The following CUL4A variants were observed in gnomAD, a reference collection of about 807,000 sequenced individuals.
CUL4A encodes the protein cullin-4A.
A neutral mutation model predicts 95.5 loss-of-function variants in CUL4A; 16 were observed. The observed-to-expected ratio is 0.17, with a 90% CI of 0.11 to 0.25. The LOEUF is 0.25. Among genes scored for constraint, CUL4A ranks in the 10% least tolerant of loss-of-function variants. CUL4A has a pLI of 1.00. For synonymous variants in CUL4A, 380 were observed against 353.1 expected, an observed-to-expected ratio of 1.08 and a Z score of -0.85; for missense variants, 610 against 937.0, an observed-to-expected ratio of 0.65 and a Z score of 4.56.
chr13:113,250,958 G>A (rs2041979454), intron 15 of CUL4A, among the ~76,000 whole-genome samples: 1 of 152,150 alleles, frequency 6.6e-6, no homozygotes, highest in African/African-American at 2.4e-5. Flanking sequence ...AGAGGAGATT[G>A]CCAAGCAGAT....
chr13:113,252,841 C>T (rs1349246612), intron 15 of CUL4A, among the ~76,000 whole-genome samples: 3 of 152,210 alleles, frequency 2.0e-5, no homozygotes, highest in South Asian at 2.1e-4. Context: ...ACAGAGACCA[C>T]GGAATACAGC....
intron 3 of CUL4A, among the ~76,000 whole-genome samples, chr13:113,225,476 C>T (rs2041066788): frequency 6.6e-6 from 1 of 152,196 alleles, no homozygotes. Flanking sequence ...GGAAGTATTT[C>T]TCATTTAATG....
intron 3 of CUL4A, among the ~76,000 whole-genome samples, chr13:113,222,616 G>C (rs927463426): frequency 2.6e-5 from 4 of 152,168 alleles, no homozygotes; most frequent in African/African-American, 9.7e-5. Context: ...CTCCAGACAT[G>C]GATGAGATGC....
At chr13:113,224,178 C>G (rs2041012426) in intron 3 of CUL4A, among the ~76,000 whole-genome samples, 1 of 152,180 alleles carries the variant, frequency 6.6e-6, no homozygotes. Context: ...CGGTGAAACC[C>G]CGTCTCTACT....
chr13:113,228,164 T>C (rs958777798), intron 4 of CUL4A, 119 bp downstream of exon 4: 20 of 754,958 alleles, frequency 2.6e-5, no homozygotes, highest in Middle Eastern at 2.5e-4. Context: ...GTGCTGTGGT[T>C]GAACAGCACG....
chr13:113,259,771 A>G (rs1162899877), intron 18 of CUL4A, among the ~76,000 whole-genome samples: 1 of 152,166 alleles, frequency 6.6e-6, no homozygotes. Context: ...CAGCTTTCTT[A>G]TAAGGAAAAT....
chr13:113,261,933 A>C (rs2042290292), intron 19 of CUL4A, among the ~76,000 whole-genome samples: 1 of 152,122 alleles, frequency 6.6e-6, no homozygotes, highest in South Asian at 2.1e-4. Context: ...GGCACGCGCC[A>C]CCACACCCAG....
intron 2 of CUL4A, among the ~76,000 whole-genome samples, chr13:113,211,682 G>A (rs538274393): frequency 2.0e-5 from 3 of 152,250 alleles, no homozygotes; most frequent in African/African-American, 7.2e-5. Context: ...ACCGCGCCTG[G>A]CCTTGGGTTG....
At chr13:113,218,630 A>G (rs1176440085) in intron 2 of CUL4A, among the ~76,000 whole-genome samples, 1 of 152,206 alleles carries the variant, frequency 6.6e-6, no homozygotes, top group Non-Finnish European at 1.5e-5. Context: ...GAGAAGTCCC[A>G]AGTGACTGGG....
intron 2 of CUL4A, among the ~76,000 whole-genome samples, chr13:113,217,468 A>T (rs1346105827): frequency 6.6e-6 from 1 of 152,206 alleles, no homozygotes; most frequent in Non-Finnish European, 1.5e-5. Flanking sequence ...AGAAAACAGG[A>T]TTATAATTAA....
Position 113,239,488 on chromosome 13 carries a change from G to C in CUL4A, c.972G>C (p.Gln324His), listed in dbSNP as rs758385016. Residue 324 changes from glutamine (Q) to histidine (H), a missense_variant, in exon 10 of 20, where the codon CAG becomes CAC. Coordinates refer to ENST00000375440, the MANE Select transcript of CUL4A (RefSeq NM_001008895.4). Reference protein sequence around the residue: ...NRVPDLAQMYQLFSRVRGGQQ... With the variant: ...NRVPDLAQMYHLFSRVRGGQQ... Reference sequence around the variant, plus strand: ...TGCCGGACCTCGCACAGATGTACCAGCTGTTCAGCCGGGTGAGGGGCGGGC... The same window carrying C: ...TGCCGGACCTCGCACAGATGTACCACCTGTTCAGCCGGGTGAGGGGCGGGC... The C allele has an allele frequency of 8.1e-6, 13 of 1,613,980 alleles. No individual in the cohort carries two copies. Among genetic ancestry groups the C allele is most frequent in the South Asian group, 1.1e-5 (1 of 91,010 alleles).
intron 2 of CUL4A, among the ~76,000 whole-genome samples, chr13:113,212,223 C>T (rs1271496281): frequency 2.0e-5 from 3 of 152,122 alleles, no homozygotes; most frequent in African/African-American, 7.2e-5. Flanking sequence ...AGATATTCGC[C>T]TTGCAAATAC....
chr13:113,211,025 C>T (rs1317417583), intron 2 of CUL4A, among the ~76,000 whole-genome samples: 2 of 152,176 alleles, frequency 1.3e-5, no homozygotes, highest in Non-Finnish European at 1.5e-5. Context: ...CAGATGCATG[C>T]AGTTACGTAA....
intron 18 of CUL4A, among the ~76,000 whole-genome samples, chr13:113,258,489 A>G (rs1051705659): frequency 1.3e-5 from 2 of 152,226 alleles, no homozygotes; most frequent in African/African-American, 4.8e-5. Context: ...AAATACATAC[A>G]AATCTTTTTC....
intron 15 of CUL4A, among the ~76,000 whole-genome samples, chr13:113,252,098 G>A (rs1595421216): frequency 6.6e-6 from 1 of 152,142 alleles, no homozygotes; most frequent in African/African-American, 2.4e-5. Flanking sequence ...AAAGCACCGC[G>A]CATGGGAGAG....
rs2041361485 is a variant in CUL4A, at chr13:113,232,186, GCTGCCACCACTACCCGCCCACCACCA to G, written c.513-990_513-965del. 7.5e-4 allele frequency among the ~76,000 whole-genome samples: 5 copies of G among 6,674 alleles called. 1 individual carries two copies. The highest frequency in any genetic ancestry group is 2.2e-3 in the African/African-American group (5 of 2,282). 4.4% of individuals were successfully genotyped at this position (6,674 alleles called of 152,430 possible). On this transcript the variant is annotated intron_variant, in intron 5 of 19. Transcript: ENST00000375440. ...CCACTACCCGCCCACCACCATTACT[GCTGCCACCACTACCCGCCCACCACCA>G]TTACTGCTGCCACCACTACCCGCCC...
intron 18 of CUL4A, among the ~76,000 whole-genome samples, chr13:113,258,364 G>C (rs534139800): frequency 6.6e-6 from 1 of 152,038 alleles, no homozygotes; most frequent in East Asian, 1.9e-4. Context: ...ATTGTATCAC[G>C]CCTTTGCTCC....
chr13:113,255,306 A>G (rs1355769097), intron 18 of CUL4A, among the ~76,000 whole-genome samples, 181 bp downstream of exon 18: 1 of 152,308 alleles, frequency 6.6e-6, no homozygotes, highest in East Asian at 1.9e-4. Context: ...CATTCTCAGT[A>G]GGAAAGAAAA....
At chr13:113,248,872 A>G (rs754573577) in intron 15 of CUL4A, among the ~76,000 whole-genome samples, 1 of 152,202 alleles carries the variant, frequency 6.6e-6, no homozygotes, top group Non-Finnish European at 1.5e-5. Context: ...AAAAAAACTT[A>G]GTGCATGTTC....
Sources: gnomAD v4.1 joint callset for allele counts (sites outside exome capture counted in the v4.1 genomes callset) on GRCh38, gnomAD v4.1.1 for gene constraint, MANE v1.5 for transcripts, NCBI Gene and HGNC (gene_info 2026-07-23, HGNC 2026-07-21) for gene names.